Variants in BMAL1 observed in about 807,000 individuals in gnomAD.
BMAL1 encodes the protein basic helix-loop-helix ARNT-like protein 1.
the BMAL1 span, chr11:13,357,171 A>G: frequency 5.0e-6 from 8 of 1,591,686 alleles, no homozygotes; most frequent in Non-Finnish European, 6.8e-6. The surrounding 1 kb of genome is among the most constrained non-coding windows in gnomAD (Gnocchi z 4.8). Context: ...GAGGCTCTGC[A>G]TGTTTGGTCC....
chr11:13,352,212 G>A, the BMAL1 span, among the ~76,000 whole-genome samples: 1 of 152,170 alleles, frequency 6.6e-6, no homozygotes, highest in Non-Finnish European at 1.5e-5. Flanking sequence ...TGGAGACTAA[G>A]GAGACGATGG....
At chr11:13,348,938 G>C in the BMAL1 span, among the ~76,000 whole-genome samples, 111 of 152,288 alleles carry the variant, frequency 7.3e-4, no homozygotes, top group African/African-American at 2.6e-3. Context: ...TTTTCAGAAA[G>C]GTCAGGAAAG....
chr11:13,301,130 T>A, the BMAL1 span, among the ~76,000 whole-genome samples: 2 of 152,066 alleles, frequency 1.3e-5, no homozygotes, highest in Non-Finnish European at 2.9e-5. Flanking sequence ...AGAAATGGGG[T>A]TTCACCATGT....
At chr11:13,314,906 A>T in the BMAL1 span, among the ~76,000 whole-genome samples, 2 of 152,196 alleles carry the variant, frequency 1.3e-5, no homozygotes, top group Admixed American at 6.5e-5. Context: ...AGGGGTCCCA[A>T]GTCAGCATCT....
At chr11:13,351,364 A>G in the BMAL1 span, among the ~76,000 whole-genome samples, 28 of 150,546 alleles carry the variant, frequency 1.9e-4, no homozygotes, top group African/African-American at 6.7e-4. Context: ...CATAGGAATG[A>G]CTGAGAGGCT....
chr11:13,373,520 T>A, the BMAL1 span, among the ~76,000 whole-genome samples: 7 of 152,282 alleles, frequency 4.6e-5, no homozygotes, highest in East Asian at 1.3e-3. Flanking sequence ...GTTCCTTTTT[T>A]AAAGACAGAT....
chr11:13,279,163 C>T, the BMAL1 span, among the ~76,000 whole-genome samples: 3 of 152,240 alleles, frequency 2.0e-5, no homozygotes, highest in South Asian at 2.1e-4. Flanking sequence ...GCGGTCTCTT[C>T]CTTCTTCCAC....
At chr11:13,277,162 T>A in the BMAL1 span, 1 of 152,346 alleles carries the variant, frequency 6.6e-6, no homozygotes, top group Middle Eastern at 3.4e-3. Flanking sequence ...AACCAGGGAT[T>A]TTAGGAAGGG....
chr11:13,361,606 C>A, the BMAL1 span, among the ~76,000 whole-genome samples: 5 of 152,140 alleles, frequency 3.3e-5, no homozygotes, highest in South Asian at 4.1e-4. Context: ...CTCTATTTAT[C>A]TCCTCATGAC....
chr11:13,327,992 G>A, the BMAL1 span, among the ~76,000 whole-genome samples: 1 of 151,864 alleles, frequency 6.6e-6, no homozygotes, highest in South Asian at 2.1e-4. Flanking sequence ...TTTAAGGGTT[G>A]TTGGGCAATT....
chr11:13,277,133 T>C, the BMAL1 span: 1 of 152,308 alleles, frequency 6.6e-6, no homozygotes, highest in Non-Finnish European at 1.5e-5. Context: ...GTATCCGTTC[T>C]CTCGTTGAGA....
At chr11:13,319,372 C>T in the BMAL1 span, among the ~76,000 whole-genome samples, 1 of 152,200 alleles carries the variant, frequency 6.6e-6, no homozygotes, top group African/African-American at 2.4e-5. Context: ...AGAAGTAGGA[C>T]TTTTGGTTTA....
At chr11:13,369,602 G>A in the BMAL1 span, 2 of 1,613,652 alleles carry the variant, frequency 1.2e-6, no homozygotes, top group Non-Finnish European at 8.5e-7. Flanking sequence ...ATCACATTTT[G>A]TGTATTGATT....
the BMAL1 span, among the ~76,000 whole-genome samples, chr11:13,314,059 A>G: frequency 6.6e-6 from 1 of 151,894 alleles, no homozygotes; most frequent in Non-Finnish European, 1.5e-5. Flanking sequence ...GTTTCCCCCA[A>G]ATCTTCAGGA....
chr11:13,373,321 A>G, the BMAL1 span, among the ~76,000 whole-genome samples: 1 of 152,122 alleles, frequency 6.6e-6, no homozygotes, highest in Admixed American at 6.5e-5. Context: ...GAATATGCAC[A>G]GGCTAATAAT....
chr11:13,298,725 A>T, the BMAL1 span, among the ~76,000 whole-genome samples: 2 of 152,174 alleles, frequency 1.3e-5, no homozygotes, highest in East Asian at 1.9e-4. Flanking sequence ...TAATACATGG[A>T]TGCCAGTATT....
chr11:13,322,382 T>G, the BMAL1 span, among the ~76,000 whole-genome samples: 1 of 152,204 alleles, frequency 6.6e-6, no homozygotes, highest in Admixed American at 6.5e-5. Flanking sequence ...GTTAAGAAAC[T>G]CCTCAAAGGA....
the BMAL1 span, among the ~76,000 whole-genome samples, chr11:13,291,269 T>G: frequency 2.0e-5 from 3 of 152,236 alleles, no homozygotes; most frequent in Non-Finnish European, 4.4e-5. Flanking sequence ...TCTTGTTTAG[T>G]CATCATCACA....
the BMAL1 span, among the ~76,000 whole-genome samples, chr11:13,321,853 C>A: frequency 6.6e-6 from 1 of 152,176 alleles, no homozygotes; most frequent in East Asian, 1.9e-4. Flanking sequence ...GCCCTGAGAG[C>A]CTGGCCTGGG....
Sources: gnomAD v4.1 joint callset for allele counts (sites outside exome capture counted in the v4.1 genomes callset) on GRCh38, gnomAD v4.1.1 for gene constraint, Gnocchi (gnomAD v3.1) non-coding constraint, MANE v1.5 for transcripts, NCBI Gene and HGNC (gene_info 2026-07-23, HGNC 2026-07-21) for gene names.